Variants in RAP1GAP observed in about 807,000 individuals in gnomAD.
RAP1GAP encodes the protein RAP1 GTPase activating protein.
Under a neutral mutation model 87.2 loss-of-function variants are expected in RAP1GAP, and 35 were observed. That is an observed-to-expected ratio of 0.40 (90% confidence interval 0.31 to 0.53). RAP1GAP has a LOEUF of 0.53. Ranked by LOEUF, RAP1GAP falls within the 20% of genes least tolerant of loss-of-function variation. The pLI, the probability that RAP1GAP is intolerant of heterozygous loss-of-function variation, is 0.48. For missense variants in RAP1GAP, 734 were observed against 898.9 expected, an observed-to-expected ratio of 0.82 and a Z score of 2.35; for synonymous variants, 375 against 363.9, an observed-to-expected ratio of 1.03 and a Z score of -0.35.
rs2097507476 is a variant in RAP1GAP at position 21,669,302 on chromosome 1, C to T, written c.-197G>A. The T allele has an allele frequency of 6.0e-6, 7 of 1,172,584 alleles. No homozygotes were observed. Among genetic ancestry groups the T allele is most frequent in the South Asian group, 3.2e-5 (2 of 62,978 alleles). 72.6% of individuals were successfully genotyped at this position (1,172,584 alleles called of 1,614,324 possible). A position where few individuals can be genotyped will look rare whatever the true frequency, so the allele number is the denominator to read the frequency against. On this transcript the variant is annotated 5_prime_UTR_variant, in exon 1 of 25. Coordinates refer to ENST00000374765, the MANE Select transcript of RAP1GAP (RefSeq NM_002885.4). This position sits in a 1 kb window ranked among gnomAD's most constrained non-coding sequence, Gnocchi z 5.6. ...CCTGGGCTCGGCACTCTGGTGCCCG[C>T]GGCCGCCGCTGCAGCTCTGCTCAGA...
chr1:21,598,265 C>T, intron 22 of RAP1GAP, 135 bp downstream of exon 22: 1 of 885,384 alleles, frequency 1.1e-6, no homozygotes. Context: ...TGGACAATGA[C>T]CTGCCCGCTG....
At chr1:21,643,917 T>C (rs530254408) in intron 2 of RAP1GAP, among the ~76,000 whole-genome samples, 63 of 152,210 alleles carry the variant, frequency 4.1e-4, no homozygotes, top group African/African-American at 1.3e-3. Flanking sequence ...CTCAGACAAA[T>C]AGACCAGAGT....
intron 2 of RAP1GAP, among the ~76,000 whole-genome samples, chr1:21,631,719 G>C (rs1412895881): frequency 2.6e-5 from 4 of 152,254 alleles, no homozygotes; most frequent in Middle Eastern, 6.8e-3. Context: ...AAACAAAAAA[G>C]AAATCCAGAT....
At chr1:21,658,178 G>T (rs1426450992) in intron 1 of RAP1GAP, among the ~76,000 whole-genome samples, 1 of 152,186 alleles carries the variant, frequency 6.6e-6, no homozygotes, top group Non-Finnish European at 1.5e-5. Flanking sequence ...ATATTTTTTG[G>T]TGTGGCTTTA....
intron 20 of RAP1GAP, among the ~76,000 whole-genome samples, chr1:21,599,912 A>G (rs1316958886): frequency 2.6e-5 from 4 of 152,192 alleles, no homozygotes; most frequent in African/African-American, 7.2e-5. Flanking sequence ...TGGTGTTCAA[A>G]AACAGCAGCG....
intron 3 of RAP1GAP, among the ~76,000 whole-genome samples, chr1:21,624,907 A>G (rs562522627): frequency 8.8e-4 from 134 of 152,222 alleles, no homozygotes; most frequent in African/African-American, 3.1e-3. Context: ...CTGTGGTCCG[A>G]GGGCATACAG....
At chr1:21,626,015 G>A (rs1387374651) in intron 3 of RAP1GAP, among the ~76,000 whole-genome samples, 5 of 152,176 alleles carry the variant, frequency 3.3e-5, no homozygotes, top group Non-Finnish European at 5.9e-5. Context: ...GACGTTGATT[G>A]TGGAGATGAT....
chr1:21,613,817 G>T lies in RAP1GAP; in HGVS notation c.396-111C>A, dbSNP rs931938631. On this transcript the variant is annotated intron_variant, in intron 8 of 24. Coordinates refer to ENST00000374765, the MANE Select transcript of RAP1GAP (RefSeq NM_002885.4). This position sits in a 1 kb window ranked among gnomAD's most constrained non-coding sequence, Gnocchi z 4.7. ...GGGGTGGACCACAGCGAGGACCAGA[G>T]GTGATGATGGGTGTCAGGCTGACTC... 3 of 1,194,622 alleles carry T rather than the reference G, an allele frequency of 2.5e-6. No homozygotes were observed. Among genetic ancestry groups the T allele is most frequent in the Non-Finnish European group, 3.7e-6 (3 of 812,708 alleles). The allele number at this position is 1,194,622 out of a possible 1,614,324, so 74.0% of individuals were successfully genotyped here. A position where few individuals can be genotyped will look rare whatever the true frequency, so the allele number is the denominator to read the frequency against.
At chr1:21,636,999 G>A (rs1401361151) in intron 2 of RAP1GAP, among the ~76,000 whole-genome samples, 1 of 151,426 alleles carries the variant, frequency 6.6e-6, no homozygotes, top group Non-Finnish European at 1.5e-5. Flanking sequence ...TGCCATGTAA[G>A]GTACCGAGCT....
At chr1:21,617,216 C>T (rs1361508348) in intron 7 of RAP1GAP, 90 bp downstream of exon 7, 1 of 1,420,442 alleles carries the variant, frequency 7.0e-7, no homozygotes, top group Non-Finnish European at 9.5e-7. Flanking sequence ...AGCCCTGGCC[C>T]ATGGGTTCTG....
At chr1:21,647,767 A>C (rs2096204725) in intron 2 of RAP1GAP, among the ~76,000 whole-genome samples, 1 of 152,158 alleles carries the variant, frequency 6.6e-6, no homozygotes, top group Non-Finnish European at 1.5e-5. Flanking sequence ...GCAGCAGAGG[A>C]GGCATTCTAA....
At position 21,601,671 on chromosome 1, in the gene RAP1GAP, C is replaced by T; in HGVS notation, c.1652+13G>A. ...TCCCAAGCCCCCAAGCCCCACGTGC[C>T]CTGAGCCCCAACCTGTTCTTGGTCG... On this transcript the variant is annotated intron_variant, in intron 20 of 24. Coordinates refer to ENST00000374765, the MANE Select transcript of RAP1GAP (RefSeq NM_002885.4). 6.3e-7 allele frequency: 1 copy of T among 1,584,868 alleles called. No homozygotes were observed. The highest frequency in any genetic ancestry group is 8.6e-7 in the Non-Finnish European group (1 of 1,160,540).
intron 1 of RAP1GAP, among the ~76,000 whole-genome samples, chr1:21,659,011 C>T (rs2096982996): frequency 6.7e-6 from 1 of 148,300 alleles, no homozygotes; most frequent in Non-Finnish European, 1.5e-5. Flanking sequence ...GCGATCTCGG[C>T]TCACCGCAAC....
At chr1:21,652,167 C>T (rs2096631638) in intron 1 of RAP1GAP, among the ~76,000 whole-genome samples, 1 of 151,140 alleles carries the variant, frequency 6.6e-6, no homozygotes, top group Admixed American at 6.6e-5. Flanking sequence ...GGACGCCCTC[C>T]TCCCGCCCCC....
intron 1 of RAP1GAP, among the ~76,000 whole-genome samples, chr1:21,656,095 T>C (rs1003142516): frequency 3.3e-5 from 5 of 152,238 alleles, no homozygotes; most frequent in Admixed American, 1.3e-4. Context: ...TGGGCCTCAG[T>C]TTGCTCATAT....
chr1:21,629,447 C>T (rs374589063), intron 2 of RAP1GAP, among the ~76,000 whole-genome samples: 52 of 152,318 alleles, frequency 3.4e-4, no homozygotes, highest in Middle Eastern at 3.4e-3. Context: ...AGAACCAGAG[C>T]GGCCTCTGAA....
chr1:21,631,634 C>T (rs552199944), intron 2 of RAP1GAP, among the ~76,000 whole-genome samples: 4 of 152,124 alleles, frequency 2.6e-5, no homozygotes, highest in Non-Finnish European at 4.4e-5. Context: ...TGCAGTGAGC[C>T]GAGATTGCGC....
In RAP1GAP at chr1:21,603,092, C is replaced by T; in HGVS notation, c.1429-179G>A. On this transcript the variant is annotated intron_variant, in intron 18 of 24. Transcript: ENST00000374765. This position sits in a 1 kb window ranked among gnomAD's most constrained non-coding sequence, Gnocchi z 6.0. The stretch of plus-strand genomic sequence containing the variant: ...CCAGTTTACGAAAGGGAAACAGTCC[C>T]CAGGAGGGCAAGGGGCTCTCCCGAG... The T allele has an allele frequency of 1.7e-6, 1 of 583,566 alleles. No individual in the cohort carries two copies. Among genetic ancestry groups the T allele is most frequent in the Non-Finnish European group, 3.1e-6 (1 of 327,316 alleles). The allele number at this position is 583,566 out of a possible 1,614,324, so 36.1% of individuals were successfully genotyped here. A position where few individuals can be genotyped will look rare whatever the true frequency, so the allele number is the denominator to read the frequency against.
chr1:21,662,856 G>T (rs952452966), intron 1 of RAP1GAP, among the ~76,000 whole-genome samples: 1 of 152,186 alleles, frequency 6.6e-6, no homozygotes, highest in Admixed American at 6.5e-5. Flanking sequence ...GCCCTTGAGG[G>T]TTGCTAAGAG....
Sources: gnomAD v4.1 joint callset for allele counts (sites outside exome capture counted in the v4.1 genomes callset) on GRCh38, gnomAD v4.1.1 for gene constraint, Gnocchi (gnomAD v3.1) non-coding constraint, MANE v1.5 for transcripts, NCBI Gene and HGNC (gene_info 2026-07-23, HGNC 2026-07-21) for gene names.